CELF4: variants seen among roughly 807,000 people sequenced by gnomAD.
The protein encoded by CELF4 is CUG-BP- and ETR-3-like factor 4.
In CELF4, 18 loss-of-function variants were observed where a neutral mutation model predicts 59.9. The ratio of observed to expected loss-of-function variants is 0.30; its 90% CI spans 0.21 to 0.45. The LOEUF (loss-of-function observed/expected upper bound fraction) is 0.45. CELF4 is among the 20% of genes least tolerant of loss of function. The pLI, the probability that CELF4 is intolerant of heterozygous loss-of-function variation, is 1.00. For missense variants in CELF4, 456 were observed against 689.0 expected (o/e 0.66, Z 3.79); for synonymous variants, 261 against 267.1 (o/e 0.98, Z 0.22).
intron 2 of CELF4, among the ~76,000 whole-genome samples, chr18:37,373,315 A>G (rs1008167936): frequency 2.0e-5 from 3 of 152,208 alleles, no homozygotes; most frequent in African/African-American, 7.2e-5. Context: ...ATGTGCCCAG[A>G]GCCCTGCCCT....
At chr18:37,308,405 C>T (rs1405693727) in intron 3 of CELF4, among the ~76,000 whole-genome samples, 2 of 152,208 alleles carry the variant, frequency 1.3e-5, no homozygotes, top group Non-Finnish European at 2.9e-5. Context: ...GAACCCCCTG[C>T]AGCAGACACT....
intron 1 of CELF4, among the ~76,000 whole-genome samples, chr18:37,545,503 G>T (rs971375463): frequency 6.6e-6 from 1 of 152,190 alleles, no homozygotes; most frequent in East Asian, 1.9e-4. Flanking sequence ...CTAGGCTCAG[G>T]AGATCGGTGT....
At chr18:37,396,292 C>T (rs1893370) in intron 2 of CELF4, among the ~76,000 whole-genome samples, 5,167 of 152,288 alleles carry the variant, frequency 0.034, 267 homozygotes, top group African/African-American at 0.12. Flanking sequence ...TGCTCTTGTG[C>T]AGCCTGTGAC....
intron 1 of CELF4, among the ~76,000 whole-genome samples, chr18:37,561,446 C>G (rs2099986502): frequency 1.3e-5 from 2 of 152,184 alleles, no homozygotes; most frequent in Non-Finnish European, 2.9e-5. Flanking sequence ...TTAAATTGGA[C>G]TTAAATGACT....
chr18:37,260,555 A>G (rs1401471480), intron 10 of CELF4, among the ~76,000 whole-genome samples: 2 of 152,202 alleles, frequency 1.3e-5, no homozygotes, highest in Admixed American at 1.3e-4. Context: ...GTAAGGCACC[A>G]ACATGGGCCG....
At chr18:37,545,041 C>T (rs1325268220) in intron 1 of CELF4, among the ~76,000 whole-genome samples, 1 of 152,164 alleles carries the variant, frequency 6.6e-6, no homozygotes, top group Admixed American at 6.5e-5. Flanking sequence ...TCAGGAGCTT[C>T]GTTTCCCACC....
chr18:37,364,325 G>A (rs1369223273), intron 2 of CELF4, among the ~76,000 whole-genome samples: 1 of 152,204 alleles, frequency 6.6e-6, no homozygotes, highest in Non-Finnish European at 1.5e-5. Flanking sequence ...CCCCGGGGCA[G>A]GAGAAATGAC....
chr18:37,367,458 G>A (rs1414404549), intron 2 of CELF4, among the ~76,000 whole-genome samples: 1 of 151,950 alleles, frequency 6.6e-6, no homozygotes, highest in Admixed American at 6.5e-5. Context: ...GCAGGGGTGG[G>A]GATGGGGAGG....
chr18:37,403,538 C>T (rs372495798), intron 2 of CELF4, among the ~76,000 whole-genome samples: 1 of 152,002 alleles, frequency 6.6e-6, no homozygotes, highest in Admixed American at 6.5e-5. Context: ...CATGTGACTC[C>T]GTGTGACAGC....
At chr18:37,341,216 A>C (rs940211709) in intron 2 of CELF4, among the ~76,000 whole-genome samples, 1 of 152,158 alleles carries the variant, frequency 6.6e-6, no homozygotes, top group African/African-American at 2.4e-5. Context: ...GTGTCCTCCC[A>C]GGGGGCCTTG....
chr18:37,497,335 T>C (rs542617060), intron 1 of CELF4, among the ~76,000 whole-genome samples: 8 of 152,308 alleles, frequency 5.3e-5, no homozygotes, highest in African/African-American at 1.7e-4. Context: ...CAATTTGCCA[T>C]GAAAGACATA....
chr18:37,322,928 C>T (rs879491810), intron 2 of CELF4, among the ~76,000 whole-genome samples: 23 of 152,160 alleles, frequency 1.5e-4, no homozygotes, highest in Non-Finnish European at 3.1e-4. Flanking sequence ...TTCCCAAGGC[C>T]ACCACGTGGC....
chr18:37,310,810 C>T (rs1340642446), intron 3 of CELF4, among the ~76,000 whole-genome samples: 1 of 152,154 alleles, frequency 6.6e-6, no homozygotes, highest in Non-Finnish European at 1.5e-5. Context: ...GTGTGGAGGA[C>T]ACCACCTAGC....
chr18:37,317,992 G>A (rs1444874673), intron 3 of CELF4, among the ~76,000 whole-genome samples: 2 of 152,236 alleles, frequency 1.3e-5, no homozygotes, highest in African/African-American at 4.8e-5. Context: ...GCGAGGTGGA[G>A]AGAAGCCTTC....
At chr18:37,334,762 G>A (rs999181620) in intron 2 of CELF4, among the ~76,000 whole-genome samples, 6 of 151,978 alleles carry the variant, frequency 3.9e-5, no homozygotes, top group Admixed American at 1.3e-4. Flanking sequence ...TGTGGCTCCC[G>A]GGCCTCAATC....
Position 37,548,290 on chromosome 18 carries a change from A to C in CELF4, c.286+17066T>G, listed in dbSNP as rs535659316. On this transcript the variant is annotated intron_variant, in intron 1 of 12. Transcript: ENST00000420428. ...AGATGATCTTTTTATTTACTTCCAT[A>C]AAGGGAGCATGCAGTCAAGGAAGCG... is the stretch of plus-strand genomic sequence containing the variant. Among the ~76,000 whole-genome samples the C allele has an allele frequency of 1.1e-4, 16 of 152,300 alleles. No homozygotes were observed. In the South Asian group the frequency reaches 3.3e-3, roughly 32 times the overall value.
intron 2 of CELF4, among the ~76,000 whole-genome samples, chr18:37,431,063 T>C (rs1016234028): frequency 4.6e-5 from 7 of 152,126 alleles, no homozygotes; most frequent in Non-Finnish European, 1.0e-4. Flanking sequence ...GGACTCTAGG[T>C]GCTGCTGTGG....
At chr18:37,562,738 G>A (rs890701220) in intron 1 of CELF4, among the ~76,000 whole-genome samples, 3 of 152,192 alleles carry the variant, frequency 2.0e-5, no homozygotes, top group Non-Finnish European at 4.4e-5. Context: ...CACCGAAGAA[G>A]GAGTTTAAAC....
intron 11 of CELF4, chr18:37,258,962 G>T: frequency 1.6e-6 from 1 of 620,362 alleles, no homozygotes; most frequent in Non-Finnish European, 2.8e-6. Flanking sequence ...AAAAGGAGTA[G>T]TGGGAGAGAG....
Sources: gnomAD v4.1 joint callset for allele counts (sites outside exome capture counted in the v4.1 genomes callset) on GRCh38, gnomAD v4.1.1 for gene constraint, MANE v1.5 for transcripts, NCBI Gene and HGNC (gene_info 2026-07-23, HGNC 2026-07-21) for gene names.